NAALADL2: variants seen among roughly 807,000 people sequenced by gnomAD.
NAALADL2 encodes N-acetylated alpha-linked acidic dipeptidase like 2.
A neutral mutation model predicts 87.2 loss-of-function variants in NAALADL2; 76 were observed. The observed-to-expected ratio is 0.87, with a 90% CI of 0.72 to 1.05. NAALADL2 has a LOEUF of 1.05. Ranked by LOEUF, NAALADL2 falls within the 50% of genes least tolerant of loss-of-function variation. NAALADL2 has a pLI of 0.00. For missense variants in NAALADL2, 1,089 were observed against 945.8 expected (o/e 1.15, Z -1.99); for synonymous variants, 354 against 331.0 (o/e 1.07, Z -0.75).
chr3:175,377,901 T>C (rs1767342861), intron 5 of NAALADL2, among the ~76,000 whole-genome samples: 1 of 152,068 alleles, frequency 6.6e-6, no homozygotes, highest in South Asian at 2.1e-4. Context: ...CCTTTTCAGC[T>C]CCTCTTCCTA....
intron 1 of NAALADL2, among the ~76,000 whole-genome samples, chr3:174,878,564 C>G (rs937625519): frequency 1.3e-5 from 2 of 152,022 alleles, no homozygotes; most frequent in African/African-American, 4.8e-5. Context: ...TGCTCTGCAC[C>G]TAATGTCTAT....
intron 9 of NAALADL2, among the ~76,000 whole-genome samples, chr3:175,479,868 CA>C (rs1726209627): frequency 6.6e-6 from 1 of 151,544 alleles, no homozygotes; most frequent in African/African-American, 2.4e-5. Context: ...CCTGAAAAAA[CA>C]GTTCTCCTAA....
intron 5 of NAALADL2, among the ~76,000 whole-genome samples, chr3:175,333,480 A>AT (rs1761640576): frequency 6.6e-6 from 1 of 152,234 alleles, no homozygotes. Flanking sequence ...ATGGAATACT[A>AT]TTTAGCCATC....
chr3:175,185,848 A>G (rs1737253715), intron 2 of NAALADL2, among the ~76,000 whole-genome samples: 2 of 151,664 alleles, frequency 1.3e-5, no homozygotes, highest in South Asian at 2.1e-4. Context: ...CAAGCCCTCA[A>G]AACTTGCAAT....
Position 175,627,339 on chromosome 3 carries a change from AT to A in NAALADL2, c.1851del (p.Ile617MetfsTer21). 1.3e-6 allele frequency: 2 copies of A among 1,573,798 alleles called. No individual in the cohort carries two copies. The highest frequency in any genetic ancestry group is 1.7e-6 in the Non-Finnish European group (2 of 1,157,028). On this transcript the variant is annotated frameshift_variant, in exon 11 of 14. Transcript: ENST00000454872. LOFTEE classifies it high-confidence loss of function. The stretch of plus-strand genomic sequence containing the variant: ...CCGTTTTTCTACACGAGCAACAAAA[AT>A]TGAAGAAATGGATCCCTCTTTCAAC... ...EARFSTRATK[I>X]EEMDPSFNLH...
At chr3:175,528,853 T>G (rs1033293394) in intron 9 of NAALADL2, among the ~76,000 whole-genome samples, 1 of 152,242 alleles carries the variant, frequency 6.6e-6, no homozygotes, top group African/African-American at 2.4e-5. Flanking sequence ...AAACATGCTT[T>G]TAACAAAAGA....
chr3:175,400,323 T>A (rs1770403899), intron 5 of NAALADL2, among the ~76,000 whole-genome samples: 1 of 152,130 alleles, frequency 6.6e-6, no homozygotes, highest in South Asian at 2.1e-4. Flanking sequence ...GCTTCATCGG[T>A]ACTGGCCTTG....
At chr3:174,626,977 T>C (rs1467182746) in intron 2 of NAALADL2, among the ~76,000 whole-genome samples, 2 of 152,128 alleles carry the variant, frequency 1.3e-5, no homozygotes, top group Non-Finnish European at 2.9e-5. Flanking sequence ...CATAAAACTA[T>C]TAACACCCAT....
chr3:174,894,130 T>C (rs1295462078), intron 1 of NAALADL2, among the ~76,000 whole-genome samples: 1 of 151,968 alleles, frequency 6.6e-6, no homozygotes, highest in African/African-American at 2.4e-5. Flanking sequence ...GTTAAAGGGG[T>C]TAATTCAGCA....
chr3:175,302,134 T>C (rs1656437462), intron 4 of NAALADL2, among the ~76,000 whole-genome samples: 1 of 152,200 alleles, frequency 6.6e-6, no homozygotes, highest in South Asian at 2.1e-4. Flanking sequence ...AGTTATCCGA[T>C]CTATAATTCT....
rs182813452 is a variant in NAALADL2, at chr3:174,710,420, A to G, written c.-114-27221A>G. On this transcript the variant is annotated intron_variant, in intron 2 of 3. Transcript: ENST00000434257. ...CAAGAATGCACCACCACACCCGGCTAATTTTGTATTTTTAGTAGAGACGGG... is the reference window on the plus strand; with the variant it reads ...CAAGAATGCACCACCACACCCGGCTGATTTTGTATTTTTAGTAGAGACGGG... Among the ~76,000 whole-genome samples, 1,169 of 151,690 alleles carry G rather than the reference A, an allele frequency of 7.7e-3. 17 individuals carry two copies. Among genetic ancestry groups the G allele is most frequent in the Middle Eastern group, 0.027 (8 of 292 alleles).
intron 2 of NAALADL2, among the ~76,000 whole-genome samples, chr3:174,706,462 A>G (rs867857103): frequency 1.2e-4 from 18 of 152,226 alleles, no homozygotes; most frequent in South Asian, 4.1e-4. Context: ...ACATTGTACA[A>G]TATCAAAATT....
chr3:175,120,493 G>T (rs771407805), intron 2 of NAALADL2, among the ~76,000 whole-genome samples: 1 of 151,758 alleles, frequency 6.6e-6, no homozygotes, highest in African/African-American at 2.4e-5. Context: ...CACTAAACTG[G>T]TGTTCATGCA....
intron 5 of NAALADL2, among the ~76,000 whole-genome samples, chr3:175,350,359 T>C (rs1037887704): frequency 7.9e-5 from 12 of 152,286 alleles, no homozygotes; most frequent in African/African-American, 2.9e-4. Context: ...GAAGCAGATA[T>C]CTGTCTCTGA....
At chr3:175,573,167 T>A (rs931839757) in intron 9 of NAALADL2, among the ~76,000 whole-genome samples, 17 of 152,154 alleles carry the variant, frequency 1.1e-4, no homozygotes, top group African/African-American at 3.9e-4. Flanking sequence ...GAGAAAAAAA[T>A]TTCGATCTAA....
chr3:175,136,451 G>C (rs188829827), intron 2 of NAALADL2, among the ~76,000 whole-genome samples: 2 of 152,306 alleles, frequency 1.3e-5, no homozygotes. Flanking sequence ...GTGGCACTGA[G>C]ACTGTAGGTA....
Position 175,174,202 on chromosome 3 carries a change from T to A in NAALADL2, c.546-59729T>A, listed in dbSNP as rs555475318. Among the ~76,000 whole-genome samples the A allele has an allele frequency of 3.3e-5, 5 of 152,272 alleles. No individual in the cohort carries two copies. The South Asian group carries it at 8.3e-4, about 25-fold the overall frequency. ...TATTGAACAATCCATATAACAAATA[T>A]TTTAAAACCTTTCTTAGTATTACAA... On this transcript the variant is annotated intron_variant, in intron 2 of 13. Coordinates refer to ENST00000454872, the MANE Select transcript of NAALADL2 (RefSeq NM_207015.3).
chr3:175,634,012 G>T (rs1478103001), intron 11 of NAALADL2, among the ~76,000 whole-genome samples: 1 of 151,772 alleles, frequency 6.6e-6, no homozygotes, highest in Non-Finnish European at 1.5e-5. Flanking sequence ...GAAAATATTT[G>T]TGTAAAGCCT....
At chr3:175,487,815 G>A (rs16825813) in intron 9 of NAALADL2, among the ~76,000 whole-genome samples, 1 of 152,274 alleles carries the variant, frequency 6.6e-6, no homozygotes, top group South Asian at 2.1e-4. Context: ...GTCTAATCCA[G>A]ATATGGTAAG....
Sources: gnomAD v4.1 joint callset for allele counts (sites outside exome capture counted in the v4.1 genomes callset) on GRCh38, gnomAD v4.1.1 for gene constraint, MANE v1.5 for transcripts, NCBI Gene and HGNC (gene_info 2026-07-23, HGNC 2026-07-21) for gene names.